Variants in NFIB observed in about 807,000 individuals in gnomAD.
NFIB encodes nuclear factor I B.
NFIB carries 11 observed loss-of-function variants against 61.5 expected under a neutral mutation model. That is an observed-to-expected ratio of 0.18 (90% confidence interval 0.11 to 0.30). NFIB has a LOEUF of 0.30. Among genes scored for constraint, NFIB ranks in the 10% least tolerant of loss-of-function variants. The probability of loss-of-function intolerance (pLI) is 1.00; values close to 1 mark genes in which losing one functional copy is unlikely to be tolerated. For synonymous variants in NFIB, 260 were observed against 216.5 expected, an observed-to-expected ratio of 1.20 and a Z score of -1.76; for missense variants, 471 against 608.9, an observed-to-expected ratio of 0.77 and a Z score of 2.38.
At chr9:14,493,897 G>A in the NFIB span, among the ~76,000 whole-genome samples, 1 of 152,220 alleles carries the variant, frequency 6.6e-6, no homozygotes, top group East Asian at 1.9e-4. Flanking sequence ...ATTAATGGAA[G>A]TGGCAGAATC....
intron 2 of NFIB, among the ~76,000 whole-genome samples, chr9:14,294,374 G>A (rs1291153088): frequency 6.6e-6 from 1 of 152,126 alleles, no homozygotes; most frequent in Non-Finnish European, 1.5e-5. Flanking sequence ...CCATGTATAC[G>A]CTCCCACTTT....
intron 10 of NFIB, among the ~76,000 whole-genome samples, chr9:14,091,061 C>T (rs992740605): frequency 1.3e-5 from 2 of 151,994 alleles, no homozygotes; most frequent in African/African-American, 4.8e-5. Context: ...GCCCATCCTA[C>T]ATTATGACCA....
the NFIB span, among the ~76,000 whole-genome samples, chr9:14,515,717 C>T: frequency 6.6e-6 from 1 of 152,158 alleles, no homozygotes. Context: ...TGCATATCCT[C>T]GGGGCCATGC....
intron 2 of NFIB, among the ~76,000 whole-genome samples, chr9:14,217,188 C>T (rs931385364): frequency 1.3e-5 from 2 of 152,100 alleles, no homozygotes; most frequent in South Asian, 4.2e-4. Context: ...CAGATAATAA[C>T]TTTTTCCCAG....
chr9:14,391,508 T>A (rs2061621993), intron 1 of NFIB, among the ~76,000 whole-genome samples: 1 of 152,132 alleles, frequency 6.6e-6, no homozygotes, highest in Non-Finnish European at 1.5e-5. Context: ...AGCTTCCTGA[T>A]AAGATCTCAG....
At chr9:14,248,329 T>TCTTC (rs1174633714) in intron 2 of NFIB, among the ~76,000 whole-genome samples, 3 of 148,942 alleles carry the variant, frequency 2.0e-5, no homozygotes, top group Non-Finnish European at 4.5e-5. Flanking sequence ...TTCCTTCCTT[T>TCTTC]CTTCCTTCCT....
At chr9:14,150,838 G>C (rs2042788559) in intron 4 of NFIB, among the ~76,000 whole-genome samples, 1 of 152,024 alleles carries the variant, frequency 6.6e-6, no homozygotes, top group African/African-American at 2.4e-5. Flanking sequence ...TTTTTGGTTT[G>C]TAACACAAAG....
the NFIB span, among the ~76,000 whole-genome samples, chr9:14,439,980 G>A: frequency 6.6e-6 from 1 of 152,228 alleles, no homozygotes; most frequent in African/African-American, 2.4e-5. Context: ...ATTGGAAGGA[G>A]AGGGGGTGGC....
At position 14,307,584 on chromosome 9, in the gene NFIB, A is replaced by G; in HGVS notation, c.31-64T>C. ...TCAGTTTAATTTTAAAAGCTCAAAA[A>G]ATAAGAAAAGAAGACCACAACCCGT... On this transcript the variant is annotated intron_variant, in intron 1 of 10. Transcript: ENST00000380953. The surrounding 1 kb of genome is among the most constrained non-coding windows in gnomAD (Gnocchi z 5.3). 6.8e-7 allele frequency: 1 copy of G among 1,460,226 alleles called. No individual in the cohort carries two copies. The highest frequency in any genetic ancestry group is 9.1e-7 in the Non-Finnish European group (1 of 1,100,912). The allele number at this position is 1,460,226 out of a possible 1,614,324, so 90.5% of individuals were successfully genotyped here.
the NFIB span, among the ~76,000 whole-genome samples, chr9:14,482,907 T>C: frequency 1.3e-5 from 2 of 152,246 alleles, no homozygotes; most frequent in Non-Finnish European, 2.9e-5. Flanking sequence ...TTATTGAGTG[T>C]GCCAAATAAT....
At chr9:14,216,521 T>C (rs1563910999) in intron 2 of NFIB, among the ~76,000 whole-genome samples, 1 of 37,580 alleles carries the variant, frequency 2.7e-5, no homozygotes, top group African/African-American at 2.1e-4. Flanking sequence ...TCTCTCTCTC[T>C]CTCTCTCTCT....
chr9:14,205,930 AAC>A (rs112967996), intron 2 of NFIB, among the ~76,000 whole-genome samples: 27,925 of 147,744 alleles, frequency 0.19, 4,200 homozygotes, highest in African/African-American at 0.42. Flanking sequence ...TCACCTGAAA[AAC>A]ACACACACAC....
At chr9:14,331,016 C>T (rs1178967443) in intron 1 of NFIB, among the ~76,000 whole-genome samples, 1 of 152,098 alleles carries the variant, frequency 6.6e-6, no homozygotes. Flanking sequence ...ACCTACCAGC[C>T]GGATCTTCTC....
At chr9:14,470,884 G>A in the NFIB span, among the ~76,000 whole-genome samples, 1 of 152,234 alleles carries the variant, frequency 6.6e-6, no homozygotes, top group East Asian at 1.9e-4. Context: ...ATCTGTCAAG[G>A]CAATGGGATG....
intron 1 of NFIB, among the ~76,000 whole-genome samples, chr9:14,346,298 C>CCG (rs902146973): frequency 2.2e-4 from 32 of 144,228 alleles, no homozygotes; most frequent in African/African-American, 7.6e-4. Context: ...ACACCCCCCC[C>CCG]CCGTAACCTG....
chr9:14,423,224 C>G, the NFIB span, among the ~76,000 whole-genome samples: 1 of 152,150 alleles, frequency 6.6e-6, no homozygotes, highest in African/African-American at 2.4e-5. Flanking sequence ...ACGTACTCAT[C>G]TACTTCATTC....
chr9:14,432,729 G>A, the NFIB span, among the ~76,000 whole-genome samples: 1 of 152,198 alleles, frequency 6.6e-6, no homozygotes, highest in African/African-American at 2.4e-5. Context: ...CCATATTTAG[G>A]AAGAGGAGAC....
At chr9:14,452,368 T>G in the NFIB span, among the ~76,000 whole-genome samples, 4,368 of 137,576 alleles carry the variant, frequency 0.032, 120 homozygotes, top group Middle Eastern at 0.05. Context: ...GAGGGAGGGT[T>G]GGAGATAAAG....
chr9:14,145,509 C>T (rs2042184750), intron 6 of NFIB, among the ~76,000 whole-genome samples: 1 of 152,086 alleles, frequency 6.6e-6, no homozygotes, highest in Non-Finnish European at 1.5e-5. Context: ...AGAAGGAGCA[C>T]TGAATAAAGA....
Sources: gnomAD v4.1 joint callset for allele counts (sites outside exome capture counted in the v4.1 genomes callset) on GRCh38, gnomAD v4.1.1 for gene constraint, Gnocchi (gnomAD v3.1) non-coding constraint, MANE v1.5 for transcripts, NCBI Gene and HGNC (gene_info 2026-07-23, HGNC 2026-07-21) for gene names.